Variants in SLC6A13 observed in about 807,000 individuals in gnomAD.
SLC6A13 encodes sodium- and chloride-dependent GABA transporter 2.
A neutral mutation model predicts 72.9 loss-of-function variants in SLC6A13; 69 were observed. That is an observed-to-expected ratio of 0.95 (90% CI 0.78 to 1.16). The LOEUF (loss-of-function observed/expected upper bound fraction) is 1.16, where lower values mean the gene tolerates loss of function less well. Among genes scored for constraint, SLC6A13 ranks in the 50% most tolerant of loss-of-function variants. The pLI, the probability that SLC6A13 is intolerant of heterozygous loss-of-function variation, is 0.00. For missense variants in SLC6A13, 735 were observed against 760.5 expected, an observed-to-expected ratio of 0.97 and a Z score of 0.39; for synonymous variants, 303 against 303.0, an observed-to-expected ratio of 1.00 and a Z score of 0.00.
intron 7 of SLC6A13, among the ~76,000 whole-genome samples, chr12:231,369 C>T (rs7968614): frequency 0.22 from 34,227 of 152,148 alleles, 4,033 homozygotes; most frequent in Middle Eastern, 0.27. Context: ...TGGTCTGTGT[C>T]GGGGAGAAGA....
chr12:254,137 G>A lies in SLC6A13; in HGVS notation c.202+5714C>T, dbSNP rs181000633. On this transcript the variant is annotated intron_variant, in intron 2 of 14. Transcript: ENST00000343164. This position sits in a 1 kb window ranked among gnomAD's most constrained non-coding sequence, Gnocchi z 4.4. ...GAAAATCGTATTTGCTTTCCCTCCT[G>A]GCAGCTGAGGGTGGAGGGCTGGAGG... 3.9e-3 allele frequency among the ~76,000 whole-genome samples: 587 copies of A among 152,280 alleles called. 2 individuals are homozygous for A. Among genetic ancestry groups the A allele is most frequent in the Non-Finnish European group, 6.2e-3 (424 of 68,014 alleles).
At chr12:225,251 C>T (rs902453519) in intron 9 of SLC6A13, among the ~76,000 whole-genome samples, 17 of 152,248 alleles carry the variant, frequency 1.1e-4, no homozygotes, top group African/African-American at 3.9e-4. Flanking sequence ...GTCCCAGCTC[C>T]CACATTGGTG....
At chr12:257,997 C>A (rs1056083735) in intron 2 of SLC6A13, among the ~76,000 whole-genome samples, 1 of 152,144 alleles carries the variant, frequency 6.6e-6, no homozygotes, top group Non-Finnish European at 1.5e-5. Flanking sequence ...CCAGATTAGT[C>A]CCCCAGCCTC....
At chr12:255,971 A>G (rs1188290637) in intron 2 of SLC6A13, among the ~76,000 whole-genome samples, 2 of 151,872 alleles carry the variant, frequency 1.3e-5, no homozygotes, top group Non-Finnish European at 2.9e-5. Context: ...CCAACCCCAT[A>G]ATATCCACAT....
At chr12:238,617 G>A (rs1942031964) in intron 4 of SLC6A13, among the ~76,000 whole-genome samples, 1 of 152,210 alleles carries the variant, frequency 6.6e-6, no homozygotes, top group Admixed American at 6.5e-5. Context: ...GTTTTACAAA[G>A]AGTACTGACT....
At chr12:233,275 C>T (rs996382669) in intron 7 of SLC6A13, among the ~76,000 whole-genome samples, 8 of 152,178 alleles carry the variant, frequency 5.3e-5, no homozygotes, top group South Asian at 2.1e-4. Context: ...CGCACCCCTC[C>T]GGCCCTCGAC....
intron 7 of SLC6A13, among the ~76,000 whole-genome samples, chr12:228,026 G>T (rs1941540767): frequency 6.6e-6 from 1 of 152,140 alleles, no homozygotes. Flanking sequence ...TCTCTCCTAT[G>T]ACCAGTGTGG....
At chr12:223,435 T>C (rs1186244157) in intron 11 of SLC6A13, among the ~76,000 whole-genome samples, 1 of 152,212 alleles carries the variant, frequency 6.6e-6, no homozygotes, top group East Asian at 1.9e-4. Flanking sequence ...TATTATTTTT[T>C]GGGACAGAAT....
intron 11 of SLC6A13, 139 bp downstream of exon 11, chr12:223,852 TG>T: frequency 1.1e-6 from 1 of 921,130 alleles, no homozygotes; most frequent in Non-Finnish European, 1.7e-6. Context: ...GTTCCTGGGA[TG>T]GGGAAAAGAG....
rs1179940054 is a variant in SLC6A13, at chr12:223,229, T to G, written c.1317A>C (p.Gly439=). 3.1e-6 allele frequency: 5 copies of G among 1,607,672 alleles called. No homozygotes were observed. In the South Asian group the frequency reaches 5.5e-5, roughly 18 times the overall value. Reference sequence around the variant, plus strand: ...AGTCAAAGAGCTGGAACACGTACATTCCGCCCTGCATGGGAGGAGATTATT... The same window carrying G: ...AGTCAAAGAGCTGGAACACGTACATGCCGCCCTGCATGGGAGGAGATTATT... ...LVGLIMLTEG[G]MYVFQLFDYY... Residue 439 remains glycine (G), a synonymous_variant, in exon 12 of 15, where the codon GGA becomes GGC. Transcript: ENST00000343164.
At chr12:257,995 G>C (rs138037043) in intron 2 of SLC6A13, among the ~76,000 whole-genome samples, 144 of 152,276 alleles carry the variant, frequency 9.5e-4, no homozygotes, top group African/African-American at 3.2e-3. Flanking sequence ...TGCCAGATTA[G>C]TCCCCCAGCC....
intron 2 of SLC6A13, among the ~76,000 whole-genome samples, chr12:251,788 A>AC (rs1016852565): frequency 6.9e-5 from 10 of 144,838 alleles, no homozygotes; most frequent in Non-Finnish European, 1.6e-4. Flanking sequence ...CCTCGTCTCT[A>AC]CCAAAAAAAA....
chr12:221,059 C>T lies in SLC6A13; in HGVS notation c.1698G>A (p.Gln566=), dbSNP rs1338902483. ...GCAGGTCCTCGGCTGGGCACATGAG[C>T]TGACGGATTCTCTGCGGGGATAGCA... The part of the protein sequence containing the change: ...LKGPFRERIR[Q]LMCPAEDLPQ... The change falls in exon 15 of 15, where the codon CAG becomes CAA. Residue 566 remains glutamine, a synonymous_variant. Transcript: ENST00000343164. The T allele has an allele frequency of 3.1e-6, 5 of 1,604,748 alleles. No homozygotes were observed. Among genetic ancestry groups the T allele is most frequent in the Non-Finnish European group, 4.2e-6 (5 of 1,176,698 alleles).
chr12:227,636 G>C lies in SLC6A13; in HGVS notation c.864C>G (p.Phe288Leu). The change falls in exon 8 of 15, where the codon TTC (phenylalanine) becomes TTG (leucine). Residue 288 changes from phenylalanine to leucine, a missense_variant. Physicochemically the swap from Phe to Leu is conservative, Grantham distance 22. Transcript: ENST00000343164. ...VWMDAGTQIF[F>L]SFAICLGCLT... ...GGCACCCAAGACAGATGGCGAAGGA[G>C]AAGAATATCTGGGTGCCTGCATCCA... is the stretch of plus-strand genomic sequence containing the variant. The C allele has an allele frequency of 6.2e-7, 1 of 1,613,260 alleles. No homozygotes were observed. Among genetic ancestry groups the C allele is most frequent in the South Asian group, 1.1e-5 (1 of 90,984 alleles).
chr12:235,798 T>C (rs1941909364), intron 6 of SLC6A13, among the ~76,000 whole-genome samples: 1 of 152,194 alleles, frequency 6.6e-6, no homozygotes, highest in African/African-American at 2.4e-5. Flanking sequence ...CGCTAAATTC[T>C]TTTCCTAGCA....
At chr12:243,391 G>A (rs1359130089) in intron 3 of SLC6A13, among the ~76,000 whole-genome samples, 2 of 152,158 alleles carry the variant, frequency 1.3e-5, no homozygotes, top group Admixed American at 6.5e-5. Flanking sequence ...ATTTAAATAT[G>A]TCTTAAAATA....
intron 1 of SLC6A13, among the ~76,000 whole-genome samples, chr12:261,607 T>C (rs1027121385): frequency 6.6e-6 from 1 of 152,240 alleles, no homozygotes; most frequent in Admixed American, 6.5e-5. Flanking sequence ...CAGACTCTAC[T>C]TTGGCTCTGA....
chr12:232,420 A>G (rs1318949535), intron 7 of SLC6A13, among the ~76,000 whole-genome samples: 1 of 151,458 alleles, frequency 6.6e-6, no homozygotes, highest in Admixed American at 6.6e-5. Context: ...TCCCCCTACA[A>G]CTCCTGCTCG....
In SLC6A13 at chr12:261,934, G is replaced by GA. The variant is rs5795911; in HGVS notation, c.-6+854dup. 4.0e-3 allele frequency among the ~76,000 whole-genome samples: 544 copies of GA among 136,796 alleles called. 6 individuals carry two copies. In the East Asian group the frequency reaches 0.061, roughly 15 times the overall value. The allele number at this position is 136,796 out of a possible 152,430, so 89.7% of individuals were successfully genotyped here. On this transcript the variant is annotated intron_variant, in intron 1 of 14. Coordinates refer to ENST00000343164, the MANE Select transcript of SLC6A13 (RefSeq NM_016615.5). ...AAGCGAGACTCTGTCTCAAAAAAAA[G>GA]AAAAAAAAAAAAAGTCAGGGAACAG...
Sources: allele counts gnomAD v4.1 joint callset (sites outside exome capture counted in the v4.1 genomes callset), GRCh38; gene constraint gnomAD v4.1.1; non-coding constraint Gnocchi (gnomAD v3.1); transcripts MANE v1.5; gene names NCBI Gene and HGNC (gene_info 2026-07-23, HGNC 2026-07-21).